ATRN: variants seen among roughly 807,000 people sequenced by gnomAD.
ATRN encodes the protein attractin.
A neutral mutation model predicts 178.7 loss-of-function variants in ATRN; 54 were observed. The ratio of observed to expected loss-of-function variants is 0.30; its 90% CI spans 0.24 to 0.38. ATRN has a LOEUF of 0.38. Among genes scored for constraint, ATRN ranks in the 10% least tolerant of loss-of-function variants. The pLI, the probability that ATRN is intolerant of heterozygous loss-of-function variation, is 1.00. For synonymous variants in ATRN, 636 were observed against 663.0 expected (o/e 0.96, Z 0.63); for missense variants, 1,443 against 1,815.1 (o/e 0.79, Z 3.73).
chr20:3,502,562 C>T (rs1329992673), intron 1 of ATRN, among the ~76,000 whole-genome samples: 1 of 152,158 alleles, frequency 6.6e-6, no homozygotes, highest in Non-Finnish European at 1.5e-5. Flanking sequence ...CCGAAAACAT[C>T]TGCCAAGGCC....
At position 3,584,746 on chromosome 20, in the gene ATRN, T is replaced by C; in HGVS notation, c.3050T>C (p.Ile1017Thr). The change falls in exon 18 of 29, where the codon ATA (isoleucine) becomes ACA (threonine). Residue 1017 changes from isoleucine (I) to threonine (T), a missense_variant. This residue lies in a region of ATRN where 212 missense variants were observed against 330.7 expected (regional missense o/e 0.64). Coordinates refer to ENST00000262919, the MANE Select transcript of ATRN (RefSeq NM_139321.3). The stretch of plus-strand genomic sequence containing the variant: ...AGCAATACTGGCAAAGGGAAATGCA[T>C]AGAGGGTTCCTATAAAGGACCAGTG... ...DPSNTGKGKC[I>T]EGSYKGPVKM... 3 of 1,614,056 alleles carry C rather than the reference T, an allele frequency of 1.9e-6. No homozygotes were observed. Among genetic ancestry groups the C allele is most frequent in the Non-Finnish European group, 2.5e-6 (3 of 1,179,996 alleles).
At chr20:3,553,662 C>T (rs978385965) in intron 6 of ATRN, among the ~76,000 whole-genome samples, 4 of 152,184 alleles carry the variant, frequency 2.6e-5, no homozygotes, top group Admixed American at 6.5e-5. Flanking sequence ...CACTCCTGCC[C>T]CACCAACCTG....
Position 3,604,244 on chromosome 20 carries a change from C to T in ATRN, c.3783C>T (p.Thr1261=). The change falls in exon 24 of 29, where the codon ACC becomes ACT. Residue 1261 remains threonine, a synonymous_variant. Coordinates refer to ENST00000262919, the MANE Select transcript of ATRN (RefSeq NM_139321.3). ...ITFFVYVSNF[T]WPIKIQIAFS... ...TCTTTGTTTATGTCAGTAATTTCAC[C>T]TGGCCCATCAAAATTCAGGTAAGAA... 1 of 1,601,654 alleles carries T rather than the reference C, an allele frequency of 6.2e-7. No individual in the cohort carries two copies. Among genetic ancestry groups the T allele is most frequent in the Non-Finnish European group, 8.5e-7 (1 of 1,176,696 alleles).
chr20:3,630,674 C>A (rs902932389), intron 25 of ATRN, among the ~76,000 whole-genome samples: 1 of 152,112 alleles, frequency 6.6e-6, no homozygotes, highest in Non-Finnish European at 1.5e-5. Context: ...CAGAATAAGT[C>A]GAGGAAGTAC....
At chr20:3,474,912 A>G (rs1264313000) in intron 1 of ATRN, among the ~76,000 whole-genome samples, 1 of 136,560 alleles carries the variant, frequency 7.3e-6, no homozygotes, top group African/African-American at 2.7e-5. Flanking sequence ...GGCGCCTGTG[A>G]TCCCAGCTAC....
intron 1 of ATRN, among the ~76,000 whole-genome samples, chr20:3,511,487 T>A (rs1014363353): frequency 9.9e-5 from 15 of 152,056 alleles, no homozygotes; most frequent in Non-Finnish European, 1.6e-4. Context: ...GTTGTATAAT[T>A]TTTAAACTAT....
At chr20:3,608,321 A>G (rs557799636) in intron 24 of ATRN, among the ~76,000 whole-genome samples, 2 of 152,260 alleles carry the variant, frequency 1.3e-5, no homozygotes, top group South Asian at 2.1e-4. Flanking sequence ...ATTTTCTTCT[A>G]GTAGTTTTAT....
intron 1 of ATRN, among the ~76,000 whole-genome samples, chr20:3,491,596 T>G (rs1308710254): frequency 6.6e-6 from 1 of 152,236 alleles, no homozygotes; most frequent in African/African-American, 2.4e-5. Context: ...GATGTTCTTC[T>G]CAGTCTGGGG....
intron 1 of ATRN, among the ~76,000 whole-genome samples, chr20:3,534,806 A>G (rs920970490): frequency 5.3e-5 from 8 of 152,094 alleles, no homozygotes; most frequent in African/African-American, 1.9e-4. Context: ...TCTACAAAAA[A>G]TAAATTTAAG....
At chr20:3,578,185 T>A (rs764570106) in intron 14 of ATRN, among the ~76,000 whole-genome samples, 24 of 152,238 alleles carry the variant, frequency 1.6e-4, no homozygotes, top group Non-Finnish European at 3.1e-4. Context: ...TGTTAATTCC[T>A]TGATTCATTT....
Position 3,562,303 on chromosome 20 carries a change from C to A in ATRN, c.1475C>A (p.Thr492Asn). ...LDKNTWSILH[T>N]QGALVQGGYG... ...AAGAACACATGGAGTATATTACACACCCAGGGTGCCCTTGTGCAAGGGGGT... is the reference window on the plus strand; with the variant it reads ...AAGAACACATGGAGTATATTACACAACCAGGGTGCCCTTGTGCAAGGGGGT... The change falls in exon 9 of 29, where the codon ACC (threonine) becomes AAC (asparagine). Residue 492 changes from threonine (T) to asparagine (N), a missense_variant. Thr to Asn is a moderately conservative substitution (Grantham distance 65). Coordinates refer to ENST00000262919, the MANE Select transcript of ATRN (RefSeq NM_139321.3). 6.2e-7 allele frequency: 1 copy of A among 1,613,938 alleles called. No individual in the cohort carries two copies.
intron 6 of ATRN, among the ~76,000 whole-genome samples, chr20:3,552,561 T>G (rs779337026): frequency 2.0e-5 from 3 of 152,230 alleles, no homozygotes; most frequent in Non-Finnish European, 4.4e-5. Flanking sequence ...ACATAACAAA[T>G]TACCACAAAC....
intron 1 of ATRN, among the ~76,000 whole-genome samples, chr20:3,514,742 T>C (rs1248459388): frequency 6.6e-6 from 1 of 152,126 alleles, no homozygotes; most frequent in African/African-American, 2.4e-5. Context: ...GGAAGATTGC[T>C]TGAGGCCAGG....
intron 24 of ATRN, among the ~76,000 whole-genome samples, chr20:3,622,250 G>A (rs56389137): frequency 0.15 from 22,455 of 152,170 alleles, 3,179 homozygotes; most frequent in African/African-American, 0.38. Context: ...CCTTAATCTC[G>A]TTTAGAGAAT....
intron 1 of ATRN, among the ~76,000 whole-genome samples, chr20:3,478,189 CA>C (rs1226840534): frequency 6.6e-6 from 1 of 152,158 alleles, no homozygotes. Flanking sequence ...CTTACACCTG[CA>C]GAGTCTGCTT....
In ATRN at chr20:3,589,568, G is replaced by A. The variant is rs1240189227; in HGVS notation, c.3185-1601G>A. 5.3e-5 allele frequency among the ~76,000 whole-genome samples: 8 copies of A among 151,994 alleles called. No individual in the cohort carries two copies. The South Asian group carries it at 6.2e-4, about 12-fold the overall frequency. On this transcript the variant is annotated intron_variant, in intron 18 of 28. Coordinates refer to ENST00000262919, the MANE Select transcript of ATRN (RefSeq NM_139321.3). ...CTTCCTTCAGGATTTGTTGCTGTGC[G>A]TGTTTATCCTGGTGGTATTCGGAGA...
intron 12 of ATRN, among the ~76,000 whole-genome samples, chr20:3,573,208 A>G (rs1026203973): frequency 1.3e-5 from 2 of 152,198 alleles, no homozygotes; most frequent in Admixed American, 1.3e-4. Context: ...GGCTTTGCAT[A>G]CTGACCCCAG....
intron 22 of ATRN, among the ~76,000 whole-genome samples, chr20:3,600,439 A>G (rs2146285485): frequency 1.3e-5 from 2 of 152,324 alleles, no homozygotes; most frequent in South Asian, 4.1e-4. Flanking sequence ...TCAGCTCTAT[A>G]TGCCTTTTTT....
intron 27 of ATRN, 99 bp downstream of exon 27, chr20:3,639,034 T>A: frequency 1.3e-6 from 1 of 771,704 alleles, no homozygotes; most frequent in Non-Finnish European, 2.0e-6. Context: ...TTCCATTACC[T>A]CCTTTTTTTC....
Sources: gnomAD v4.1 joint callset for allele counts (sites outside exome capture counted in the v4.1 genomes callset) on GRCh38, gnomAD v4.1.1 for gene constraint, gnomAD v4.1.1 regional missense constraint, MANE v1.5 for transcripts, NCBI Gene and HGNC (gene_info 2026-07-23, HGNC 2026-07-21) for gene names.